Variants in ARHGAP18 observed in about 807,000 individuals in gnomAD.
ARHGAP18 encodes Rho GTPase activating protein 18.
ARHGAP18 carries 67 observed loss-of-function variants against 86.2 expected under a neutral mutation model. The observed-to-expected ratio is 0.78, with a 90% CI of 0.64 to 0.95. The LOEUF (loss-of-function observed/expected upper bound fraction) is 0.95. ARHGAP18 is among the 40% of genes least tolerant of loss of function. The pLI, the probability that ARHGAP18 is intolerant of heterozygous loss-of-function variation, is 0.00. For synonymous variants in ARHGAP18, 283 were observed against 280.4 expected (o/e 1.01, Z -0.09); for missense variants, 691 against 780.4 (o/e 0.89, Z 1.37).
chr6:129,600,523 TA>T, intron 11 of ARHGAP18, 118 bp downstream of exon 11: 1 of 787,384 alleles, frequency 1.3e-6, no homozygotes, highest in Non-Finnish European at 2.0e-6. Flanking sequence ...CCTATATGAA[TA>T]AAATGTTTTT....
chr6:129,647,495 C>A (rs572084278), intron 1 of ARHGAP18, among the ~76,000 whole-genome samples: 2 of 152,248 alleles, frequency 1.3e-5, no homozygotes, highest in South Asian at 2.1e-4. Context: ...GATCCTAGCA[C>A]CTGTTTTGTT....
At chr6:129,602,217 C>T (rs918355996) in intron 10 of ARHGAP18, among the ~76,000 whole-genome samples, 2 of 152,126 alleles carry the variant, frequency 1.3e-5, no homozygotes, top group African/African-American at 2.4e-5. Flanking sequence ...ATAGAGATTA[C>T]TTAATCCTAA....
intron 8 of ARHGAP18, among the ~76,000 whole-genome samples, chr6:129,610,549 G>A (rs186200442): frequency 3.9e-5 from 6 of 152,344 alleles, no homozygotes; most frequent in African/African-American, 1.4e-4. Context: ...AGAGTGTCTC[G>A]TCTGGCCGGC....
intron 1 of ARHGAP18, among the ~76,000 whole-genome samples, chr6:129,653,153 G>C (rs993462308): frequency 1.3e-5 from 2 of 152,058 alleles, no homozygotes; most frequent in African/African-American, 2.4e-5. Context: ...ATGAGAGTAG[G>C]GGAGTATAAA....
At chr6:129,673,786 A>G (rs141997808) in intron 1 of ARHGAP18, among the ~76,000 whole-genome samples, 306 of 152,336 alleles carry the variant, frequency 2.0e-3, no homozygotes, top group Non-Finnish European at 2.7e-3. Context: ...TGAAAATCTG[A>G]TATTTCTATT....
intron 1 of ARHGAP18, among the ~76,000 whole-genome samples, chr6:129,708,399 G>C (rs1774838305): frequency 6.6e-6 from 1 of 152,178 alleles, no homozygotes; most frequent in Non-Finnish European, 1.5e-5. Context: ...CCTAGGCAGA[G>C]AATGATCTGA....
chr6:129,643,194 G>C (rs1773505504), intron 1 of ARHGAP18, among the ~76,000 whole-genome samples: 5 of 152,106 alleles, frequency 3.3e-5, no homozygotes. Context: ...CAGCTTTGAT[G>C]CCTTTCCTTT....
chr6:129,650,806 C>T (rs1773695422), intron 1 of ARHGAP18, among the ~76,000 whole-genome samples: 1 of 152,194 alleles, frequency 6.6e-6, no homozygotes, highest in Non-Finnish European at 1.5e-5. Context: ...ACACCAGTAG[C>T]TACCTTGCAC....
chr6:129,663,649 C>T, intron 1 of ARHGAP18, among the ~76,000 whole-genome samples: 1 of 152,170 alleles, frequency 6.6e-6, no homozygotes, highest in South Asian at 2.1e-4. Flanking sequence ...AGAGGAAACA[C>T]ATTACTCTTC....
At chr6:129,612,453 T>C (rs1307178192) in intron 7 of ARHGAP18, among the ~76,000 whole-genome samples, 6 of 152,228 alleles carry the variant, frequency 3.9e-5, no homozygotes, top group Admixed American at 2.6e-4. Flanking sequence ...CATTTCACAA[T>C]TGCCTTCCCT....
In ARHGAP18 at chr6:129,588,213, G is replaced by T. The variant is rs141384439; in HGVS notation, c.1714-4101C>A. Among the ~76,000 whole-genome samples the T allele has an allele frequency of 4.8e-3, 733 of 151,734 alleles. 4 individuals carry two copies. The highest frequency in any genetic ancestry group is 8.1e-3 in the Non-Finnish European group (548 of 67,980). On this transcript the variant is annotated intron_variant, in intron 12 of 14. Transcript: ENST00000368149. ...GCTCACTACAACCTCTGCCTCCTGG[G>T]TTCAAGCGATTCTCCTGCCTCATCC...
intron 1 of ARHGAP18, among the ~76,000 whole-genome samples, chr6:129,675,124 A>G (rs1774207523): frequency 6.6e-6 from 1 of 152,172 alleles, no homozygotes. Context: ...CCAATGTGTC[A>G]GTTGAGAAAC....
chr6:129,616,339 C>A, intron 6 of ARHGAP18, 36 bp from the exon 7 acceptor site: 1 of 1,502,240 alleles, frequency 6.7e-7, no homozygotes, highest in Non-Finnish European at 9.2e-7. Context: ...TCACTTTTGT[C>A]AATCTATAAA....
At chr6:129,698,678 A>C (rs1293808075) in intron 1 of ARHGAP18, among the ~76,000 whole-genome samples, 1 of 144,326 alleles carries the variant, frequency 6.9e-6, no homozygotes, top group Non-Finnish European at 1.5e-5. Context: ...AGTAGCGTGT[A>C]CCACCACGCC....
At chr6:129,696,194 AT>A (rs1348412886) in intron 1 of ARHGAP18, among the ~76,000 whole-genome samples, 4 of 152,216 alleles carry the variant, frequency 2.6e-5, no homozygotes, top group African/African-American at 9.6e-5. Flanking sequence ...AAAATACTGC[AT>A]CTGTGTCCCA....
intron 8 of ARHGAP18, among the ~76,000 whole-genome samples, chr6:129,610,821 G>A (rs565405195): frequency 6.6e-6 from 1 of 152,242 alleles, no homozygotes; most frequent in Non-Finnish European, 1.5e-5. Context: ...TAGAGACAGT[G>A]TTTCACTATT....
intron 10 of ARHGAP18, among the ~76,000 whole-genome samples, chr6:129,601,839 G>C (rs988570342): frequency 6.6e-6 from 1 of 151,950 alleles, no homozygotes; most frequent in African/African-American, 2.4e-5. Context: ...TGTTGCCCAG[G>C]CTGGTCTTGA....
At position 129,641,971 on chromosome 6, in the gene ARHGAP18, T is replaced by C. The variant is rs758183088; in HGVS notation, c.161A>G (p.Lys54Arg). 9.9e-6 allele frequency: 16 copies of C among 1,613,838 alleles called. 2 individuals are homozygous for C. In the South Asian group the frequency reaches 1.6e-4, roughly 17 times the overall value. The change falls in exon 2 of 15, where the codon AAA (lysine) becomes AGA (arginine). Residue 54 changes from lysine to arginine, a missense_variant. Physicochemically the swap from Lys to Arg is conservative, Grantham distance 26. Transcript: ENST00000368149. ...ATCAAATGGAGGCTTCTCCATAACT[T>C]TGATGGTGGTGCTTTCCTGGTTCAT... ...YTMNQESTTI[K>R]VMEKPPFDRS... is the part of the protein sequence containing the mutation.
intron 1 of ARHGAP18, among the ~76,000 whole-genome samples, chr6:129,702,203 A>G (rs1208106639): frequency 6.6e-6 from 1 of 152,236 alleles, no homozygotes; most frequent in Non-Finnish European, 1.5e-5. Context: ...GTAACTGGTC[A>G]CACGGGTCTC....
Sources: allele counts gnomAD v4.1 joint callset (sites outside exome capture counted in the v4.1 genomes callset), GRCh38; gene constraint gnomAD v4.1.1; transcripts MANE v1.5; gene names NCBI Gene and HGNC (gene_info 2026-07-23, HGNC 2026-07-21).